Variants in ANTXR2 observed in about 807,000 individuals in gnomAD.
The protein encoded by ANTXR2 is ANTXR cell adhesion molecule 2, also known as anthrax toxin receptor 2.
A neutral mutation model predicts 73.7 loss-of-function variants in ANTXR2; 44 were observed. That is an observed-to-expected ratio of 0.60 (90% CI 0.47 to 0.77). The LOEUF is 0.77. Ranked by LOEUF, ANTXR2 falls within the 30% of genes least tolerant of loss-of-function variation. ANTXR2 has a pLI of 0.00. For missense variants in ANTXR2, 604 were observed against 592.5 expected, an observed-to-expected ratio of 1.02 and a Z score of -0.20; for synonymous variants, 217 against 205.9, an observed-to-expected ratio of 1.05 and a Z score of -0.46.
intron 12 of ANTXR2, among the ~76,000 whole-genome samples, chr4:79,991,558 A>G (rs1730472089): frequency 6.6e-6 from 1 of 152,126 alleles, no homozygotes; most frequent in Non-Finnish European, 1.5e-5. Context: ...TTTCTCAGAG[A>G]ACTTAAAGCA....
Position 80,055,430 on chromosome 4 carries a change from G to T in ANTXR2, c.416C>A (p.Thr139Asn), listed in dbSNP as rs1316561811. Residue 139 changes from threonine (T) to asparagine (N), a missense_variant, in exon 5 of 17, where the codon ACC (threonine) becomes AAC (asparagine). Physicochemically the swap from Thr to Asn is moderately conservative, Grantham distance 65 (BLOSUM62 0). Coordinates refer to ENST00000403729, the MANE Select transcript of ANTXR2 (RefSeq NM_058172.6). ...TGTCAGAGCAATTATGATACTGGAG[G>T]TTTTCAAGCCTCCTGCTTTCTGAAT... Reference protein sequence around the residue: ...EQIQKAGGLKTSSIIIALTDG... With the variant: ...EQIQKAGGLKNSSIIIALTDG... 2.5e-6 allele frequency: 4 copies of T among 1,610,886 alleles called. No homozygotes were observed. The highest frequency in any genetic ancestry group is 3.4e-6 in the Non-Finnish European group (4 of 1,178,200).
intron 10 of ANTXR2, among the ~76,000 whole-genome samples, chr4:80,023,313 T>G (rs1732262262): frequency 6.6e-6 from 1 of 152,200 alleles, no homozygotes; most frequent in African/African-American, 2.4e-5. Flanking sequence ...TTGAGCTCTG[T>G]GCTTAAACCT....
chr4:80,056,031 C>A lies in ANTXR2; in HGVS notation c.297-18G>T. The A allele has an allele frequency of 1.3e-6, 2 of 1,497,290 alleles. No homozygotes were observed. Among genetic ancestry groups the A allele is most frequent in the African/African-American group, 1.4e-5 (1 of 69,600 alleles). The allele number at this position is 1,497,290 out of a possible 1,614,324, so 92.8% of individuals were successfully genotyped here. A position where few individuals can be genotyped will look rare whatever the true frequency, so the allele number is the denominator to read the frequency against. On this transcript the variant is annotated intron_variant, in intron 3 of 16. Coordinates refer to ENST00000403729, the MANE Select transcript of ANTXR2 (RefSeq NM_058172.6). The stretch of plus-strand genomic sequence containing the variant: ...TTTTGCCTCTGAAAATAATATTAAA[C>A]AAAAGAAAAAATGAGCAAAGAGCAA...
At chr4:79,925,286 C>T (rs62297556) in intron 16 of ANTXR2, among the ~76,000 whole-genome samples, 6,518 of 87,470 alleles carry the variant, frequency 0.075, 278 homozygotes, top group East Asian at 0.49. Flanking sequence ...GTCACTCTTT[C>T]CTTTTTTTTT....
intron 16 of ANTXR2, among the ~76,000 whole-genome samples, chr4:79,954,545 G>C (rs1728820459): frequency 6.6e-6 from 1 of 152,064 alleles, no homozygotes; most frequent in Non-Finnish European, 1.5e-5. Flanking sequence ...AGGAGTTCAA[G>C]GCTGCAATGA....
chr4:79,926,989 A>ATGTGTGTATATACACATGTGCATATATG (rs34062692), intron 16 of ANTXR2, among the ~76,000 whole-genome samples: 1 of 145,898 alleles, frequency 6.9e-6, no homozygotes, highest in African/African-American at 2.6e-5. Context: ...GTGTGCATAT[A>ATGTGTGTATATACACATGTGCATATATG]TGTGTATATA....
Position 80,069,437 on chromosome 4 carries a change from T to G in ANTXR2, c.295A>C (p.Arg99=). The G allele has an allele frequency of 6.3e-7, 1 of 1,587,174 alleles. No homozygotes were observed. Among genetic ancestry groups the G allele is most frequent in the Non-Finnish European group, 8.6e-7 (1 of 1,159,254 alleles). Residue 99 remains arginine (R), a splice_region_variant and synonymous_variant, in exon 3 of 17, where the codon AGA becomes CGA. Transcript: ENST00000403729. ...ATIILPLTGD[R]GKISKGLEDL... The stretch of plus-strand genomic sequence containing the variant: ...GCAGTGAAATGATAATGCACTAACC[T>G]GTCTCCAGTTAATGGCAAAATAATA...
At chr4:79,946,868 T>G (rs375125803) in intron 16 of ANTXR2, among the ~76,000 whole-genome samples, 191 of 152,280 alleles carry the variant, frequency 1.3e-3, no homozygotes, top group South Asian at 0.011. Context: ...ACAGTTTATA[T>G]CCTATGAGCT....
intron 3 of ANTXR2, among the ~76,000 whole-genome samples, chr4:80,061,340 A>C (rs1240895269): frequency 1.3e-5 from 2 of 151,888 alleles, no homozygotes; most frequent in Middle Eastern, 3.4e-3. Context: ...CCACCAAAGA[A>C]ATAATCTACC....
chr4:79,937,239 A>G (rs1050906278), intron 16 of ANTXR2, among the ~76,000 whole-genome samples: 1 of 152,196 alleles, frequency 6.6e-6, no homozygotes, highest in Non-Finnish European at 1.5e-5. Context: ...GGAAAACCTC[A>G]AAAGATTCAC....
intron 12 of ANTXR2, among the ~76,000 whole-genome samples, chr4:80,001,785 T>C (rs1363648727): frequency 6.6e-6 from 1 of 151,544 alleles, no homozygotes; most frequent in African/African-American, 2.4e-5. Flanking sequence ...GTTGAATTGA[T>C]CCCTTTACCG....
intron 16 of ANTXR2, among the ~76,000 whole-genome samples, chr4:79,933,709 A>G (rs922415677): frequency 3.4e-5 from 1 of 29,514 alleles, no homozygotes. Context: ...CCCTCCCCCC[A>G]CCCCACAACA....
chr4:79,993,782 A>ACACACACACACACACACACACG (rs755550984), intron 12 of ANTXR2, among the ~76,000 whole-genome samples: 3 of 151,402 alleles, frequency 2.0e-5, no homozygotes, highest in Non-Finnish European at 4.4e-5. Flanking sequence ...ACACACACAC[A>ACACACACACACACACACACACG]CATGCACTTT....
intron 12 of ANTXR2, among the ~76,000 whole-genome samples, chr4:79,989,922 A>G (rs1278729341): frequency 6.6e-6 from 1 of 152,112 alleles, no homozygotes; most frequent in Non-Finnish European, 1.5e-5. Context: ...ACTTTCAATA[A>G]AATTCCACAT....
At chr4:79,994,586 TC>T (rs33975906) in intron 12 of ANTXR2, among the ~76,000 whole-genome samples, 114,793 of 151,722 alleles carry the variant, frequency 0.76, 43,705 homozygotes, top group East Asian at 0.94. Flanking sequence ...CCAACCCTGT[TC>T]CTCCTGAGAA....
At chr4:80,040,209 C>T (rs949531379) in intron 7 of ANTXR2, among the ~76,000 whole-genome samples, 2 of 151,430 alleles carry the variant, frequency 1.3e-5, no homozygotes, top group African/African-American at 4.9e-5. Context: ...GACCCAAAAC[C>T]TCAGTATCAT....
At chr4:79,965,476 TA>T (rs923778491) in intron 16 of ANTXR2, among the ~76,000 whole-genome samples, 1 of 152,180 alleles carries the variant, frequency 6.6e-6, no homozygotes, top group Non-Finnish European at 1.5e-5. Context: ...CATTTCTAAC[TA>T]AAAAAATTGT....
At position 79,904,116 on chromosome 4, in the gene ANTXR2, TA is replaced by T. The variant is rs11292255; in HGVS notation, c.*3312del. 0.57 allele frequency: 87,079 copies of T among 151,860 alleles called. 25,294 individuals carry two copies. Among genetic ancestry groups the T allele is most frequent in the Non-Finnish European group, 0.61 (41,109 of 67,898 alleles). 9.4% of individuals were successfully genotyped at this position (151,860 alleles called of 1,614,324 possible). A position where few individuals can be genotyped will look rare whatever the true frequency, so the allele number is the denominator to read the frequency against. On this transcript the variant is annotated 3_prime_UTR_variant, in exon 17 of 17. Transcript: ENST00000403729. ...CACAATATAGAATTTGTTTCAACTT[TA>T]AACTAAACAAATGTATCTGCCTCTG...
At chr4:80,026,209 C>T (rs1045191404) in intron 10 of ANTXR2, among the ~76,000 whole-genome samples, 2 of 152,094 alleles carry the variant, frequency 1.3e-5, no homozygotes, top group African/African-American at 2.4e-5. Context: ...TTTCCCCCAT[C>T]CTGTTCTCAT....
Sources: allele counts gnomAD v4.1 joint callset (sites outside exome capture counted in the v4.1 genomes callset), GRCh38; gene constraint gnomAD v4.1.1; transcripts MANE v1.5; gene names NCBI Gene and HGNC (gene_info 2026-07-23, HGNC 2026-07-21).